Variants in PLD3 observed in about 807,000 individuals in gnomAD.
PLD3 encodes phospholipase D family member 3, also known as 5'-3' exonuclease PLD3.
A neutral mutation model predicts 58.4 loss-of-function variants in PLD3; 31 were observed. The ratio of observed to expected loss-of-function variants is 0.53; its 90% CI spans 0.40 to 0.72. PLD3 has a LOEUF of 0.72. Ranked by LOEUF, PLD3 falls within the 30% of genes least tolerant of loss-of-function variation. PLD3 has a pLI of 0.00. For missense variants in PLD3, 595 were observed against 659.8 expected (o/e 0.90, Z 1.08); for synonymous variants, 264 against 273.4 (o/e 0.97, Z 0.34).
intron 1 of PLD3, among the ~76,000 whole-genome samples, chr19:40,352,322 C>T (rs1232641456): frequency 6.6e-6 from 1 of 152,038 alleles, no homozygotes; most frequent in East Asian, 1.9e-4. Context: ...TAGGGAAATG[C>T]TAACGGAATT....
rs528154845 is a variant in PLD3 at position 40,378,019 on chromosome 19, A to C, written c.1319A>C (p.Glu440Ala). Residue 440 changes from glutamate (E) to alanine (A), a missense_variant, in exon 13 of 13, where the codon GAG (glutamate) becomes GCG (alanine). By Grantham distance (107) the Glu-to-Ala change is moderately radical (BLOSUM62 -1). Coordinates refer to ENST00000409735, the MANE Select transcript of PLD3 (RefSeq NM_012268.4). ...TSNWSGNYFTETAGTSLLVTQ... is the reference protein window; with the variant it reads ...TSNWSGNYFTATAGTSLLVTQ... ...AACTGGTCTGGCAACTACTTCACGG[A>C]GACGGCGGGCACCTCGCTGCTGGTG... is the stretch of plus-strand genomic sequence containing the variant. The C allele has an allele frequency of 1.6e-5, 26 of 1,613,270 alleles. 1 individual carries two copies. The South Asian group carries it at 2.6e-4, about 16-fold the overall frequency.
At position 40,366,928 on chromosome 19, in the gene PLD3, T is replaced by C; in HGVS notation, c.245+13T>C. On this transcript the variant is annotated intron_variant, in intron 5 of 12. Coordinates refer to ENST00000409735, the MANE Select transcript of PLD3 (RefSeq NM_012268.4). ...ATGACCCTTGCGAGTAAGTGGGGGG[T>C]GCTGCAGTTGGTGGGGGAGGGGCCT... 4 of 1,586,478 alleles carry C rather than the reference T, an allele frequency of 2.5e-6. No individual in the cohort carries two copies. The highest frequency in any genetic ancestry group is 3.4e-6 in the Non-Finnish European group (4 of 1,165,680).
chr19:40,361,074 G>C lies in PLD3; in HGVS notation c.-278-4644G>C, dbSNP rs78991570. The stretch of plus-strand genomic sequence containing the variant: ...AGGCAGGAGGGTCACCTGAGGCCAG[G>C]AGTTCAAGAGTAGCCTGGGCAGCGT... On this transcript the variant is annotated intron_variant, in intron 1 of 12. Coordinates refer to ENST00000409735, the MANE Select transcript of PLD3 (RefSeq NM_012268.4). 4.3e-3 allele frequency among the ~76,000 whole-genome samples: 658 copies of C among 152,176 alleles called. 6 individuals are homozygous for C. The highest frequency in any genetic ancestry group is 0.014 in the African/African-American group (599 of 41,514).
intron 1 of PLD3, among the ~76,000 whole-genome samples, chr19:40,351,685 G>A (rs2078519318): frequency 6.6e-6 from 1 of 152,210 alleles, no homozygotes; most frequent in East Asian, 1.9e-4. Context: ...AGTGAGAGAG[G>A]AGAGGGGCAA....
intron 1 of PLD3, among the ~76,000 whole-genome samples, chr19:40,350,442 C>T (rs1419960007): frequency 6.6e-6 from 1 of 151,822 alleles, no homozygotes; most frequent in East Asian, 1.9e-4. Context: ...CCTCAATGAA[C>T]AATACAGACA....
Position 40,378,245 on chromosome 19 carries a change from G to C in PLD3, c.*72G>C, listed in dbSNP as rs7368. The C allele has an allele frequency of 1.4e-6, 2 of 1,425,320 alleles. No homozygotes were observed. The highest frequency in any genetic ancestry group is 2.8e-5 in the African/African-American group (2 of 71,578). The allele number at this position is 1,425,320 out of a possible 1,614,324, so 88.3% of individuals were successfully genotyped here. A position where few individuals can be genotyped will look rare whatever the true frequency, so the allele number is the denominator to read the frequency against. The stretch of plus-strand genomic sequence containing the variant: ...CCAGGTGCTCTGGGTCACGGTCCCT[G>C]TCCCCGCGCCCCCGCTTCTGTCTGC... On this transcript the variant is annotated 3_prime_UTR_variant, in exon 13 of 13. Coordinates refer to ENST00000409735, the MANE Select transcript of PLD3 (RefSeq NM_012268.4).
chr19:40,361,511 C>G (rs986162917), intron 1 of PLD3, among the ~76,000 whole-genome samples: 1 of 152,180 alleles, frequency 6.6e-6, no homozygotes. Context: ...TCCAGGCAGC[C>G]CTGCAGGATC....
intron 1 of PLD3, chr19:40,359,493 C>T (rs1227238299): frequency 3.9e-5 from 6 of 152,202 alleles, no homozygotes; most frequent in South Asian, 4.1e-4. Context: ...CTCCAGCATC[C>T]GGCTGCCCGT....
In PLD3 at chr19:40,366,455, C is replaced by A. The variant is rs771238072; in HGVS notation, c.-29C>A. ...TGACACACCCACCTTCTCACCTGGG[C>A]TCTGCGTATCCCCCAGCCTTGAGGG... On this transcript the variant is annotated 5_prime_UTR_variant, in exon 3 of 13. Transcript: ENST00000409735. The A allele has an allele frequency of 1.1e-5, 17 of 1,612,186 alleles. No individual in the cohort carries two copies. The highest frequency in any genetic ancestry group is 1.3e-5 in the African/African-American group (1 of 74,862).
At chr19:40,363,936 C>T (rs899453168) in intron 1 of PLD3, among the ~76,000 whole-genome samples, 5 of 152,038 alleles carry the variant, frequency 3.3e-5, no homozygotes, top group African/African-American at 4.8e-5. Context: ...AAGAGTAATG[C>T]GCGCCCCTGA....
chr19:40,371,828 A>C lies in PLD3; in HGVS notation c.834A>C (p.Pro278=). ...FYDTRYNQET[P]MEICLNGTPA... ...ACACCCGCTACAACCAAGAGACACC[A>C]ATGGAGATCTGCCTCAATGGAACCC... The change falls in exon 9 of 13, where the codon CCA becomes CCC. Residue 278 remains proline (P), a synonymous_variant. Coordinates refer to ENST00000409735, the MANE Select transcript of PLD3 (RefSeq NM_012268.4). 1 of 1,614,050 alleles carries C rather than the reference A, an allele frequency of 6.2e-7. No individual in the cohort carries two copies. Among genetic ancestry groups the C allele is most frequent in the South Asian group, 1.1e-5 (1 of 91,072 alleles).
chr19:40,362,470 C>T (rs1484646990), intron 1 of PLD3, among the ~76,000 whole-genome samples: 1 of 152,234 alleles, frequency 6.6e-6, no homozygotes, highest in Non-Finnish European at 1.5e-5. Flanking sequence ...GGCTCTCACT[C>T]TGTCAGCTGG....
rs775909991 is a variant in PLD3, at chr19:40,369,907, G to A, written c.430-1G>A. ...CCTCAGAAGCTCTCCCCTCCCCGCA[G>A]GGTGAGGAGGTCCTCCGGCAGCTGC... is the stretch of plus-strand genomic sequence containing the variant. On this transcript the variant is annotated splice_acceptor_variant, in intron 6 of 12. Transcript: ENST00000409735. LOFTEE classifies it high-confidence loss of function. The A allele has an allele frequency of 2.6e-6, 4 of 1,555,372 alleles. No homozygotes were observed. The highest frequency in any genetic ancestry group is 3.5e-6 in the Non-Finnish European group (4 of 1,150,460).
chr19:40,374,651 T>A, intron 10 of PLD3, 31 bp downstream of exon 10: 1 of 1,613,218 alleles, frequency 6.2e-7, no homozygotes, highest in Non-Finnish European at 8.5e-7. Flanking sequence ...AGGGAGCCGC[T>A]GCAGTTGGCC....
At chr19:40,377,410 A>AGAGGGGT (rs1405695909) in intron 11 of PLD3, among the ~76,000 whole-genome samples, 1 of 39,988 alleles carries the variant, frequency 2.5e-5, no homozygotes, top group Non-Finnish European at 5.0e-5. Flanking sequence ...AGGCCCAGGC[A>AGAGGGGT]GAGGGGTCAG....
In PLD3 at chr19:40,366,399, G is replaced by GCCC; in HGVS notation, c.-65-19_-65-17dup. The GCCC allele has an allele frequency of 5.3e-6, 6 of 1,136,740 alleles. No homozygotes were observed. The highest frequency in any genetic ancestry group is 8.1e-6 in the Non-Finnish European group (6 of 744,598). The allele number at this position is 1,136,740 out of a possible 1,614,324, so 70.4% of individuals were successfully genotyped here. On this transcript the variant is annotated intron_variant, in intron 2 of 12. Transcript: ENST00000409735. Reference sequence around the variant, plus strand: ...GAAAGCGTAGAACACCCCACACAGTGCCCACTTTTGTTCTGCCAGTTTGGA... The same window carrying GCCC: ...GAAAGCGTAGAACACCCCACACAGTGCCCCCCACTTTTGTTCTGCCAGTTTGGA...
rs2079294753 is a variant in PLD3, at chr19:40,378,246, T to TCCCCGCGC, written c.*80_*87dup. On this transcript the variant is annotated 3_prime_UTR_variant, in exon 13 of 13. Coordinates refer to ENST00000409735, the MANE Select transcript of PLD3 (RefSeq NM_012268.4). ...CAGGTGCTCTGGGTCACGGTCCCTG[T>TCCCCGCGC]CCCCGCGCCCCCGCTTCTGTCTGCC... is the stretch of plus-strand genomic sequence containing the variant. 7.2e-7 allele frequency: 1 copy of TCCCCGCGC among 1,389,932 alleles called. No homozygotes were observed. Among genetic ancestry groups the TCCCCGCGC allele is most frequent in the Non-Finnish European group, 1.0e-6 (1 of 989,458 alleles). 86.1% of individuals were successfully genotyped at this position (1,389,932 alleles called of 1,614,324 possible).
rs1054134909 is a variant in PLD3, at chr19:40,370,044, A to G, written c.550+16A>G. On this transcript the variant is annotated intron_variant, in intron 7 of 12. Coordinates refer to ENST00000409735, the MANE Select transcript of PLD3 (RefSeq NM_012268.4). ...CTGCAGAGCGGTGAGCTGGGGCCCA[A>G]CTGGGGCTGGTCTGGGCCTGGGGGT... The G allele has an allele frequency of 1.4e-5, 22 of 1,568,242 alleles. No homozygotes were observed. Among genetic ancestry groups the G allele is most frequent in the Middle Eastern group, 1.7e-4 (1 of 5,890 alleles).
intron 4 of PLD3, 28 bp downstream of exon 4, chr19:40,366,712 GT>G: frequency 6.2e-7 from 1 of 1,614,012 alleles, no homozygotes. Context: ...CCCTCGCTCT[GT>G]CTCAGAGACA....
Sources: gnomAD v4.1 joint callset for allele counts (sites outside exome capture counted in the v4.1 genomes callset) on GRCh38, gnomAD v4.1.1 for gene constraint, MANE v1.5 for transcripts, NCBI Gene and HGNC (gene_info 2026-07-23, HGNC 2026-07-21) for gene names.